Variants in WWOX observed in about 807,000 individuals in gnomAD.
WWOX encodes the protein WW domain containing oxidoreductase.
WWOX carries 69 observed loss-of-function variants against 46.2 expected under a neutral mutation model. The observed-to-expected ratio is 1.49, with a 90% CI of 1.23 to 1.82. The LOEUF is 1.82. Among genes scored for constraint, WWOX ranks in the 40% most tolerant of loss-of-function variants. WWOX has a pLI of 0.00. For synonymous variants in WWOX, 359 were observed against 202.6 expected (o/e 1.77, Z -6.56); for missense variants, 919 against 542.6 (o/e 1.69, Z -6.89).
chr16:78,605,060 G>A (rs1416662423), intron 8 of WWOX, among the ~76,000 whole-genome samples: 1 of 134,716 alleles, frequency 7.4e-6, no homozygotes, highest in Non-Finnish European at 1.6e-5. Flanking sequence ...TTTAAATGCT[G>A]ATTTTGTTTT....
At chr16:78,365,880 A>G (rs1788329347) in intron 5 of WWOX, among the ~76,000 whole-genome samples, 1 of 152,126 alleles carries the variant, frequency 6.6e-6, no homozygotes, top group Admixed American at 6.5e-5. Context: ...TCCTTACAGA[A>G]ACATTATTTT....
chr16:78,758,752 T>G (rs1302581743), intron 8 of WWOX, among the ~76,000 whole-genome samples: 4 of 152,082 alleles, frequency 2.6e-5, no homozygotes, highest in African/African-American at 9.7e-5. Context: ...TTATACTCAC[T>G]GGGGTGGTGA....
chr16:78,980,276 G>A (rs574737928), intron 8 of WWOX, among the ~76,000 whole-genome samples: 7 of 152,236 alleles, frequency 4.6e-5, no homozygotes, highest in Non-Finnish European at 8.8e-5. Context: ...TTTGACAGAT[G>A]GAAAAACTAA....
Position 78,997,014 on chromosome 16 carries a change from C to A in WWOX, c.1057-214594C>A, listed in dbSNP as rs79584624. Among the ~76,000 whole-genome samples the A allele has an allele frequency of 2.4e-4, 36 of 152,338 alleles. No individual in the cohort carries two copies. The East Asian group carries it at 6.4e-3, about 27-fold the overall frequency. The stretch of plus-strand genomic sequence containing the variant: ...CCCTCGCTCAAATGTGCGTCTCTGG[C>A]AAGTCCTGTCTGCTGATAGTTGATA... On this transcript the variant is annotated intron_variant, in intron 8 of 8. Coordinates refer to ENST00000566780, the MANE Select transcript of WWOX (RefSeq NM_016373.4).
chr16:78,328,948 G>A (rs1004563670), intron 5 of WWOX, among the ~76,000 whole-genome samples: 6 of 151,956 alleles, frequency 3.9e-5, no homozygotes, highest in African/African-American at 1.5e-4. Context: ...TGCAGCCTCT[G>A]CCCCCTGGGT....
At chr16:78,433,596 G>A (rs572024011) in intron 8 of WWOX, among the ~76,000 whole-genome samples, 4 of 152,128 alleles carry the variant, frequency 2.6e-5, no homozygotes, top group East Asian at 1.9e-4. Context: ...GCCTTTTAGC[G>A]ATATCACAGG....
At chr16:78,114,572 T>C (rs542594699) in intron 3 of WWOX, among the ~76,000 whole-genome samples, 73 of 152,322 alleles carry the variant, frequency 4.8e-4, no homozygotes, top group African/African-American at 1.6e-3. Flanking sequence ...TCTACTTCTC[T>C]ACGTCTTTAG....
At chr16:79,201,999 G>C (rs150500464) in intron 8 of WWOX, among the ~76,000 whole-genome samples, 7 of 152,168 alleles carry the variant, frequency 4.6e-5, no homozygotes, top group Admixed American at 4.6e-4. Context: ...AGTCTTAATC[G>C]TGTGTAGAGC....
intron 8 of WWOX, among the ~76,000 whole-genome samples, chr16:78,866,773 G>A (rs1240334519): frequency 1.3e-5 from 2 of 152,166 alleles, no homozygotes; most frequent in East Asian, 1.9e-4. Context: ...CAGGGAATTG[G>A]GGACAGTCTG....
At chr16:78,629,505 C>G (rs1202257784) in intron 8 of WWOX, among the ~76,000 whole-genome samples, 1 of 152,182 alleles carries the variant, frequency 6.6e-6, no homozygotes, top group Non-Finnish European at 1.5e-5. Flanking sequence ...CTTGCCACTC[C>G]CTGCTTAATC....
intron 8 of WWOX, among the ~76,000 whole-genome samples, chr16:78,759,077 A>G (rs2049727949): frequency 6.6e-6 from 1 of 151,930 alleles, no homozygotes; most frequent in African/African-American, 2.4e-5. Context: ...CCCACTTTTG[A>G]TTTAAGGTAG....
Position 78,783,334 on chromosome 16 carries a change from C to G in WWOX, c.1056+350582C>G, listed in dbSNP as rs541575865. On this transcript the variant is annotated intron_variant, in intron 8 of 8. Transcript: ENST00000566780. ...TGAAACATGCCATGGCCAGTGGAGA[C>G]AGGCTTGGGCTGATGGAGAGGGCCT... is the stretch of plus-strand genomic sequence containing the variant. Among the ~76,000 whole-genome samples the G allele has an allele frequency of 3.3e-5, 5 of 152,334 alleles. No homozygotes were observed. The South Asian group carries it at 1.0e-3, about 32-fold the overall frequency.
chr16:78,200,643 G>A (rs2036200812), intron 5 of WWOX, among the ~76,000 whole-genome samples: 1 of 150,842 alleles, frequency 6.6e-6, no homozygotes, highest in South Asian at 2.1e-4. Flanking sequence ...CTTGTTTTAG[G>A]CCCTGGGGAA....
intron 8 of WWOX, among the ~76,000 whole-genome samples, chr16:78,505,497 G>A (rs1304266747): frequency 2.6e-5 from 4 of 152,092 alleles, no homozygotes; most frequent in Admixed American, 1.3e-4. Flanking sequence ...ATTTGGCCTG[G>A]GCAGCCCAGG....
At chr16:78,583,252 G>A (rs1360939387) in intron 8 of WWOX, among the ~76,000 whole-genome samples, 1 of 152,196 alleles carries the variant, frequency 6.6e-6, no homozygotes. Flanking sequence ...CCAAAGCAGT[G>A]CTGAAGGAAC....
At chr16:79,121,065 G>A (rs1352822671) in intron 8 of WWOX, among the ~76,000 whole-genome samples, 1 of 152,160 alleles carries the variant, frequency 6.6e-6, no homozygotes, top group Non-Finnish European at 1.5e-5. Flanking sequence ...CACCATGCCT[G>A]GCTATCTGCG....
At chr16:78,403,953 C>G (rs2082469619) in intron 6 of WWOX, among the ~76,000 whole-genome samples, 1 of 152,100 alleles carries the variant, frequency 6.6e-6, no homozygotes, top group African/African-American at 2.4e-5. Flanking sequence ...CCAAAGTTCA[C>G]CAAGACAAAT....
intron 5 of WWOX, among the ~76,000 whole-genome samples, chr16:78,322,611 T>G (rs1205197145): frequency 1.3e-5 from 2 of 152,320 alleles, no homozygotes; most frequent in East Asian, 3.9e-4. Context: ...AGACCTGAAT[T>G]AAATCTTCTG....
intron 8 of WWOX, among the ~76,000 whole-genome samples, chr16:79,123,088 T>A (rs2150679593): frequency 6.6e-6 from 1 of 152,260 alleles, no homozygotes; most frequent in African/African-American, 2.4e-5. Context: ...AAAGGTCTGG[T>A]CTTGTAATTT....
Sources: allele counts gnomAD v4.1 joint callset (sites outside exome capture counted in the v4.1 genomes callset), GRCh38; gene constraint gnomAD v4.1.1; transcripts MANE v1.5; gene names NCBI Gene and HGNC (gene_info 2026-07-23, HGNC 2026-07-21).